MPP4: variants seen among roughly 807,000 people sequenced by gnomAD.
The protein encoded by MPP4 is MAGUK p55 subfamily member 4.
A neutral mutation model predicts 98.3 loss-of-function variants in MPP4; 91 were observed. The ratio of observed to expected loss-of-function variants is 0.93; its 90% confidence interval spans 0.78 to 1.10. MPP4 has a LOEUF of 1.10. Ranked by LOEUF, MPP4 falls within the 50% of genes least tolerant of loss-of-function variation. MPP4 has a pLI of 0.00. For missense variants in MPP4, 744 were observed against 792.9 expected (o/e 0.94, Z 0.74); for synonymous variants, 261 against 271.8 (o/e 0.96, Z 0.39).
chr2:201,650,167 T>C lies in MPP4; in HGVS notation c.1382-2A>G. 1.9e-6 allele frequency: 3 copies of C among 1,559,722 alleles called. No individual in the cohort carries two copies. Among genetic ancestry groups the C allele is most frequent in the Non-Finnish European group, 2.6e-6 (3 of 1,151,136 alleles). On this transcript the variant is annotated splice_acceptor_variant, in intron 18 of 21. Transcript: ENST00000409474. LOFTEE classifies it high-confidence loss of function. ...AACTCTTTTTAGTACGAGTAGTGTC[T>C]ATCAGAAAAAGGGAATGAAAGGTTT...
intron 11 of MPP4, among the ~76,000 whole-genome samples, chr2:201,673,810 G>A (rs1688416188): frequency 1.3e-5 from 2 of 152,168 alleles, no homozygotes. Context: ...AAGTGGGTGA[G>A]GCTTGCCCCG....
intron 10 of MPP4, among the ~76,000 whole-genome samples, chr2:201,677,547 C>G (rs1043225749): frequency 6.6e-6 from 1 of 152,192 alleles, no homozygotes; most frequent in Admixed American, 6.5e-5. Flanking sequence ...ACAAAACCCC[C>G]CCAGCTACTT....
At chr2:201,656,081 A>G (rs1165695750) in intron 17 of MPP4, 117 bp downstream of exon 17, 3 of 1,162,070 alleles carry the variant, frequency 2.6e-6, no homozygotes, top group Non-Finnish European at 3.5e-6. Context: ...TAAAAAAGGT[A>G]TTTGTATGGG....
intron 5 of MPP4, 116 bp from the exon 6 acceptor site, chr2:201,686,166 A>G (rs954188199): frequency 1.6e-5 from 20 of 1,247,484 alleles, no homozygotes; most frequent in Admixed American, 1.3e-4. Context: ...CAATACAGAC[A>G]TGCCAGACAC....
intron 7 of MPP4, 29 bp downstream of exon 7, chr2:201,685,035 A>G (rs780183244): frequency 6.3e-7 from 1 of 1,591,872 alleles, no homozygotes; most frequent in Non-Finnish European, 8.6e-7. Flanking sequence ...TTTTTCTGGT[A>G]ACTCTCAATC....
At chr2:201,670,561 A>G (rs1688313784) in intron 11 of MPP4, among the ~76,000 whole-genome samples, 1 of 152,262 alleles carries the variant, frequency 6.6e-6, no homozygotes, top group South Asian at 2.1e-4. Context: ...CACAGGCCAC[A>G]TAAGCAAATT....
intron 19 of MPP4, 86 bp downstream of exon 19, chr2:201,649,986 G>T: frequency 7.5e-7 from 1 of 1,331,124 alleles, no homozygotes; most frequent in Non-Finnish European, 1.0e-6. Context: ...TTACCCAGGA[G>T]ATTTGGAAAA....
intron 21 of MPP4, among the ~76,000 whole-genome samples, chr2:201,645,913 T>G (rs964789230): frequency 6.6e-6 from 1 of 152,244 alleles, no homozygotes; most frequent in Non-Finnish European, 1.5e-5. Flanking sequence ...TATATCACTA[T>G]CCACAGTATG....
At position 201,651,683 on chromosome 2, in the gene MPP4, G is replaced by T. The variant is rs1687715251; in HGVS notation, c.1382-1518C>A. Reference sequence around the variant, plus strand: ...AAAATGGTGATTTTGGCCGGGCACAGTGGCTCACGCCTGTAATCCCAGCAC... The same window carrying T: ...AAAATGGTGATTTTGGCCGGGCACATTGGCTCACGCCTGTAATCCCAGCAC... On this transcript the variant is annotated intron_variant, in intron 18 of 21. Transcript: ENST00000409474. The T allele has an allele frequency of 8.1e-6, 8 of 984,554 alleles. No homozygotes were observed. The South Asian group carries it at 2.8e-4, about 35-fold the overall frequency. 61.0% of individuals were successfully genotyped at this position (984,554 alleles called of 1,614,324 possible).
rs572051058 is a variant in MPP4 at position 201,675,405 on chromosome 2, G to T, written c.930-134C>A. ...TGCTGCCTTCACTCAAGTGAAAAGG[G>T]TGATTGCTTCTCCAAATACATTGTC... On this transcript the variant is annotated intron_variant, in intron 10 of 21. Transcript: ENST00000409474. 177 of 841,632 alleles carry T rather than the reference G, an allele frequency of 2.1e-4. 1 individual carries two copies. The highest frequency in any genetic ancestry group is 7.1e-4 in the Middle Eastern group (2 of 2,808). 52.1% of individuals were successfully genotyped at this position (841,632 alleles called of 1,614,324 possible).
intron 6 of MPP4, among the ~76,000 whole-genome samples, chr2:201,685,517 T>C (rs925449297): frequency 2.6e-5 from 4 of 152,184 alleles, no homozygotes; most frequent in Non-Finnish European, 4.4e-5. Context: ...TAAAACCTAA[T>C]TAGAGGGACT....
At chr2:201,672,917 A>G in intron 11 of MPP4, among the ~76,000 whole-genome samples, 1 of 152,264 alleles carries the variant, frequency 6.6e-6, no homozygotes, top group South Asian at 2.1e-4. Flanking sequence ...CACACACACA[A>G]AAAAAATTTC....
intron 11 of MPP4, among the ~76,000 whole-genome samples, chr2:201,673,721 T>C (rs1373537620): frequency 6.6e-6 from 1 of 152,264 alleles, no homozygotes; most frequent in Non-Finnish European, 1.5e-5. Context: ...AAAAACTGCC[T>C]TTATAGTTGT....
At chr2:201,690,637 A>C (rs575256722) in intron 3 of MPP4, among the ~76,000 whole-genome samples, 1 of 152,284 alleles carries the variant, frequency 6.6e-6, no homozygotes, top group Admixed American at 6.5e-5. Context: ...GAGCGTCTTA[A>C]AGGAGGGGCC....
At chr2:201,660,265 T>C in intron 15 of MPP4, 67 bp downstream of exon 15, 1 of 1,384,258 alleles carries the variant, frequency 7.2e-7, no homozygotes. Context: ...CAAGTATTCA[T>C]TTTTGAGGCA....
intron 12 of MPP4, among the ~76,000 whole-genome samples, chr2:201,666,915 T>A (rs898914467): frequency 2.0e-5 from 3 of 152,094 alleles, no homozygotes; most frequent in Non-Finnish European, 4.4e-5. Context: ...AAATGTATGA[T>A]GTGGGAGGCT....
At chr2:201,663,180 T>C (rs1256828282) in intron 14 of MPP4, among the ~76,000 whole-genome samples, 2 of 152,220 alleles carry the variant, frequency 1.3e-5, no homozygotes, top group East Asian at 3.8e-4. Context: ...TCATGCTAAA[T>C]CTTATGAAAA....
At position 201,685,926 on chromosome 2, in the gene MPP4, T is replaced by A; in HGVS notation, c.485A>T (p.Gln162Leu). ...MRIVCLVKNQ[Q>L]PLGATIKRHE... ...AAAAAATGATTTCCTTACCAGGGGC[T>A]GTTGGTTTTTCACTAAACAAACAAT... The change falls in exon 6 of 22, where the codon CAG becomes CTG. Residue 162 changes from glutamine to leucine, a missense_variant. Transcript: ENST00000409474. 1 of 1,611,354 alleles carries A rather than the reference T, an allele frequency of 6.2e-7. No homozygotes were observed. The highest frequency in any genetic ancestry group is 2.2e-5 in the East Asian group (1 of 44,858).
rs1315400805 is a variant in MPP4 at position 201,656,337 on chromosome 2, G to A, written c.1161C>T (p.Arg387=). 6.4e-7 allele frequency: 1 copy of A among 1,554,866 alleles called. No homozygotes were observed. Among genetic ancestry groups the A allele is most frequent in the Admixed American group, 2.0e-5 (1 of 51,230 alleles). The change falls in exon 17 of 22, where the codon CGC becomes CGT. Residue 387 remains arginine (R), a synonymous_variant. Transcript: ENST00000409474. ...GCAGCGGGCTGAGGTGAGACTTCCT[G>A]CGACAAAGGCGCATGCTGCGGCGGA... The part of the protein sequence containing the change: ...AGFRRSMRLC[R]RKSHLSPLHA...
Sources: allele counts gnomAD v4.1 joint callset (sites outside exome capture counted in the v4.1 genomes callset), GRCh38; gene constraint gnomAD v4.1.1; transcripts MANE v1.5; gene names NCBI Gene and HGNC (gene_info 2026-07-23, HGNC 2026-07-21).